Variants in ENPP6 observed in about 807,000 individuals in gnomAD.
ENPP6 encodes ectonucleotide pyrophosphatase/phosphodiesterase 6.
Under a neutral mutation model 42.0 loss-of-function variants are expected in ENPP6, and 32 were observed. That is an observed-to-expected ratio of 0.76 (90% CI 0.58 to 1.02). The LOEUF is 1.02. ENPP6 is among the 50% of genes least tolerant of loss of function. ENPP6 has a pLI of 0.00. For synonymous variants in ENPP6, 213 were observed against 216.0 expected (o/e 0.99, Z 0.12); for missense variants, 552 against 566.8 (o/e 0.97, Z 0.27).
At chr4:184,159,110 T>C (rs1277064959) in intron 1 of ENPP6, among the ~76,000 whole-genome samples, 2 of 152,200 alleles carry the variant, frequency 1.3e-5, no homozygotes, top group African/African-American at 2.4e-5. Flanking sequence ...GCTGAATAAA[T>C]TGCATTATCT....
At chr4:184,164,261 C>A (rs1261674204) in intron 1 of ENPP6, among the ~76,000 whole-genome samples, 2 of 152,210 alleles carry the variant, frequency 1.3e-5, no homozygotes, top group East Asian at 3.8e-4. Context: ...ATGGTCCATG[C>A]ACAAGTGACG....
Position 184,217,848 on chromosome 4 carries a change from G to C in ENPP6, c.-29C>G, listed in dbSNP as rs769126921. 26 of 1,607,606 alleles carry C rather than the reference G, an allele frequency of 1.6e-5. No individual in the cohort carries two copies. The highest frequency in any genetic ancestry group is 2.7e-5 in the African/African-American group (2 of 74,812). Reference sequence around the variant, plus strand: ...GCCAGGAGCCTGCCAGAGCCCGGCTGGCACAGCTGTCGCCTTGCAAAGACT... The same window carrying C: ...GCCAGGAGCCTGCCAGAGCCCGGCTCGCACAGCTGTCGCCTTGCAAAGACT... On this transcript the variant is annotated 5_prime_UTR_variant, in exon 1 of 8. Transcript: ENST00000296741.
intron 1 of ENPP6, among the ~76,000 whole-genome samples, chr4:184,155,119 G>C (rs572215259): frequency 2.6e-5 from 4 of 152,270 alleles, no homozygotes; most frequent in African/African-American, 9.6e-5. Context: ...TCAGAGTTAT[G>C]ATGACCCTCG....
intron 7 of ENPP6, among the ~76,000 whole-genome samples, chr4:184,093,859 T>A (rs772866331): frequency 3.3e-5 from 5 of 152,026 alleles, no homozygotes; most frequent in Non-Finnish European, 5.9e-5. Flanking sequence ...AACTCTTCTA[T>A]CTTCTTCTCA....
rs1343656754 is a variant in ENPP6, at chr4:184,212,047, G to T, written c.241+5532C>A. 2.6e-5 allele frequency among the ~76,000 whole-genome samples: 4 copies of T among 151,214 alleles called. No homozygotes were observed. The East Asian group carries it at 5.8e-4, about 22-fold the overall frequency. Reference sequence around the variant, plus strand: ...TTGACAAAATTCAACAACCCTTCATGCTAAAAACTCTCAATAAATTAGGTA... The same window carrying T: ...TTGACAAAATTCAACAACCCTTCATTCTAAAAACTCTCAATAAATTAGGTA... On this transcript the variant is annotated intron_variant, in intron 1 of 7. Transcript: ENST00000296741.
intron 1 of ENPP6, among the ~76,000 whole-genome samples, chr4:184,207,228 C>G (rs1733016041): frequency 6.6e-6 from 1 of 152,206 alleles, no homozygotes; most frequent in African/African-American, 2.4e-5. Context: ...AGATAAAATT[C>G]TAGACTGGCT....
chr4:184,200,142 AG>A (rs1255057252), intron 1 of ENPP6, among the ~76,000 whole-genome samples: 1 of 152,212 alleles, frequency 6.6e-6, no homozygotes, highest in African/African-American at 2.4e-5. Context: ...CTCATCTGGG[AG>A]GACAATAAAA....
chr4:184,148,505 C>T (rs1221156590), intron 2 of ENPP6, among the ~76,000 whole-genome samples: 1 of 152,220 alleles, frequency 6.6e-6, no homozygotes, highest in Admixed American at 6.5e-5. Flanking sequence ...TATTTCTCTG[C>T]AGCAGAAATG....
intron 1 of ENPP6, among the ~76,000 whole-genome samples, chr4:184,210,451 AAC>A (rs1733089563): frequency 9.2e-6 from 1 of 109,132 alleles, no homozygotes. Flanking sequence ...TCTCTGATAA[AAC>A]AGACTTTAAA....
At chr4:184,206,064 T>C (rs2310001) in intron 1 of ENPP6, among the ~76,000 whole-genome samples, 51,839 of 151,594 alleles carry the variant, frequency 0.34, 9,170 homozygotes, top group African/African-American at 0.41. Flanking sequence ...GAAGAGGGCA[T>C]GCCGAACAGA....
At position 184,209,025 on chromosome 4, in the gene ENPP6, C is replaced by G. The variant is rs62341626; in HGVS notation, c.241+8554G>C. On this transcript the variant is annotated intron_variant, in intron 1 of 7. Transcript: ENST00000296741. ...TTCCAACAGACCTGCAGCTGAGGGT[C>G]CTGTCTGTTAGAAGGAAAACTAACA... is the stretch of plus-strand genomic sequence containing the variant. Among the ~76,000 whole-genome samples the G allele has an allele frequency of 5.3e-3, 765 of 144,432 alleles. 8 individuals are homozygous for G. Among genetic ancestry groups the G allele is most frequent in the Middle Eastern group, 0.01 (3 of 288 alleles). The allele number at this position is 144,432 out of a possible 152,430, so 94.8% of individuals were successfully genotyped here.
At chr4:184,142,000 C>CA (rs1736831695) in intron 2 of ENPP6, among the ~76,000 whole-genome samples, 1 of 152,198 alleles carries the variant, frequency 6.6e-6, no homozygotes. Flanking sequence ...CATCGTACCT[C>CA]AAACCCCTTC....
chr4:184,102,666 C>A (rs776558537), intron 6 of ENPP6, among the ~76,000 whole-genome samples: 2 of 152,206 alleles, frequency 1.3e-5, no homozygotes, highest in Non-Finnish European at 2.9e-5. Context: ...CGAGCAGAGG[C>A]GCTGTTGCAG....
At chr4:184,141,851 TA>T (rs1736828843) in intron 2 of ENPP6, among the ~76,000 whole-genome samples, 1 of 152,236 alleles carries the variant, frequency 6.6e-6, no homozygotes, top group African/African-American at 2.4e-5. Context: ...TTGATACACT[TA>T]TTTTTTTATA....
chr4:184,122,328 C>A (rs1736429391), intron 3 of ENPP6, among the ~76,000 whole-genome samples: 1 of 152,018 alleles, frequency 6.6e-6, no homozygotes, highest in South Asian at 2.1e-4. Flanking sequence ...AGCTGGGGAC[C>A]CTTTCCTGGG....
At chr4:184,098,385 A>G (rs1462840035) in intron 6 of ENPP6, among the ~76,000 whole-genome samples, 1 of 152,190 alleles carries the variant, frequency 6.6e-6, no homozygotes, top group African/African-American at 2.4e-5. Flanking sequence ...TTAGGGAACC[A>G]GTATCTATCT....
In ENPP6 at chr4:184,153,544, A is replaced by G. The variant is rs376029087; in HGVS notation, c.421+10T>C. On this transcript the variant is annotated intron_variant, in intron 2 of 7. Transcript: ENST00000296741. ...GATTTGAGATTTGGAATGGATGTTC[A>G]CACACTCACCTGGCCAGTAGTACAT... 2.1e-5 allele frequency: 34 copies of G among 1,605,368 alleles called. No individual in the cohort carries two copies. The African/African-American group carries it at 4.2e-4, about 20-fold the overall frequency.
intron 6 of ENPP6, among the ~76,000 whole-genome samples, chr4:184,110,443 T>G (rs1259035051): frequency 6.6e-6 from 1 of 152,230 alleles, no homozygotes; most frequent in Non-Finnish European, 1.5e-5. Context: ...TCCAAATCCC[T>G]GTACCTAATT....
In ENPP6 at chr4:184,184,631, G is replaced by A. The variant is rs187363950; in HGVS notation, c.242-30898C>T. On this transcript the variant is annotated intron_variant, in intron 1 of 7. Transcript: ENST00000296741. The surrounding 1 kb of genome is among the most constrained non-coding windows in gnomAD (Gnocchi z 4.7). Reference sequence around the variant, plus strand: ...AAGTTAAGGGTTTCAGGATGAGGTCGTCCTGGGTGATCCAATGGTCCTGCA... The same window carrying A: ...AAGTTAAGGGTTTCAGGATGAGGTCATCCTGGGTGATCCAATGGTCCTGCA... Among the ~76,000 whole-genome samples, 2 of 152,102 alleles carry A rather than the reference G, an allele frequency of 1.3e-5. No homozygotes were observed. Among genetic ancestry groups the A allele is most frequent in the East Asian group, 1.9e-4 (1 of 5,202 alleles).
Sources: allele counts gnomAD v4.1 joint callset (sites outside exome capture counted in the v4.1 genomes callset), GRCh38; gene constraint gnomAD v4.1.1; non-coding constraint Gnocchi (gnomAD v3.1); transcripts MANE v1.5; gene names NCBI Gene and HGNC (gene_info 2026-07-23, HGNC 2026-07-21).